PRKN: variants seen among roughly 807,000 people sequenced by gnomAD.
PRKN encodes E3 ubiquitin-protein ligase parkin.
PRKN carries 56 observed loss-of-function variants against 59.5 expected under a neutral mutation model. The ratio of observed to expected loss-of-function variants is 0.94; its 90% CI spans 0.76 to 1.18. The LOEUF is 1.18. PRKN is among the 50% of genes most tolerant of loss of function. The pLI, the probability that PRKN is intolerant of heterozygous loss-of-function variation, is 0.00. For missense variants in PRKN, 657 were observed against 596.4 expected (o/e 1.10, Z -1.06); for synonymous variants, 250 against 222.1 (o/e 1.13, Z -1.12).
At chr6:162,132,494 C>T (rs947418228) in intron 4 of PRKN, among the ~76,000 whole-genome samples, 1 of 152,146 alleles carries the variant, frequency 6.6e-6, no homozygotes, top group Non-Finnish European at 1.5e-5. Context: ...ATATTTCAAT[C>T]TACACGATGG....
intron 6 of PRKN, among the ~76,000 whole-genome samples, chr6:161,838,689 G>C (rs1792859826): frequency 6.6e-6 from 1 of 152,122 alleles, no homozygotes; most frequent in Admixed American, 6.5e-5. Flanking sequence ...AACTGTCCCC[G>C]TCCCACTGCA....
chr6:162,383,600 G>A (rs1047151491), intron 2 of PRKN, among the ~76,000 whole-genome samples: 5 of 152,166 alleles, frequency 3.3e-5, no homozygotes, highest in Non-Finnish European at 7.3e-5. Context: ...AGGGCCCTAG[G>A]ACTATCAGAA....
intron 1 of PRKN, among the ~76,000 whole-genome samples, chr6:162,714,796 T>C (rs1778662510): frequency 6.6e-6 from 1 of 152,028 alleles, no homozygotes; most frequent in Admixed American, 6.6e-5. Flanking sequence ...AAGCTAAAGG[T>C]GGAAAAGAGA....
chr6:161,743,072 T>C lies in PRKN; in HGVS notation c.871+42700A>G, dbSNP rs57223842. 4.0e-3 allele frequency among the ~76,000 whole-genome samples: 604 copies of C among 152,252 alleles called. 3 individuals carry two copies. The highest frequency in any genetic ancestry group is 0.014 in the African/African-American group (585 of 41,554). On this transcript the variant is annotated intron_variant, in intron 7 of 11. Transcript: ENST00000366898. ...ATAATAAAACTTGTTTTCCCTAAGT[T>C]TCAACTTATTGGCTGAAATGAATTT...
At position 161,842,396 on chromosome 6, in the gene PRKN, T is replaced by C. The variant is rs184419251; in HGVS notation, c.735-56488A>G. On this transcript the variant is annotated intron_variant, in intron 6 of 11. Coordinates refer to ENST00000366898, the MANE Select transcript of PRKN (RefSeq NM_004562.3). Reference sequence around the variant, plus strand: ...CTGAGGCAGGAGGATCACTTGAATCTGGGAGGCAAAGGTTGCAGTGAGTGG... The same window carrying C: ...CTGAGGCAGGAGGATCACTTGAATCCGGGAGGCAAAGGTTGCAGTGAGTGG... Among the ~76,000 whole-genome samples the C allele has an allele frequency of 1.0e-3, 157 of 150,376 alleles. 2 individuals are homozygous for C. Among genetic ancestry groups the C allele is most frequent in the African/African-American group, 3.6e-3 (148 of 40,938 alleles).
intron 2 of PRKN, among the ~76,000 whole-genome samples, chr6:162,359,183 T>G (rs1392571200): frequency 2.6e-5 from 4 of 151,368 alleles, no homozygotes; most frequent in African/African-American, 9.7e-5. Flanking sequence ...TAGGAACAGA[T>G]GTACTTGGAA....
chr6:162,505,912 G>C (rs1208702166), intron 1 of PRKN, among the ~76,000 whole-genome samples: 1 of 152,150 alleles, frequency 6.6e-6, no homozygotes, highest in African/African-American at 2.4e-5. Context: ...CAGTGTTTCT[G>C]TAGGATAACC....
chr6:161,992,825 A>G (rs1293762829), intron 5 of PRKN, among the ~76,000 whole-genome samples: 1 of 152,204 alleles, frequency 6.6e-6, no homozygotes, highest in East Asian at 1.9e-4. Context: ...GTACAAATAC[A>G]CGGAAATTTA....
intron 9 of PRKN, among the ~76,000 whole-genome samples, chr6:161,443,654 AG>A (rs1200079289): frequency 6.6e-6 from 1 of 152,178 alleles, no homozygotes; most frequent in Admixed American, 6.5e-5. Flanking sequence ...AAGAACAATC[AG>A]TTTTTTTAAA....
At chr6:161,500,864 GTT>G (rs373088841) in intron 9 of PRKN, among the ~76,000 whole-genome samples, 2 of 132,542 alleles carry the variant, frequency 1.5e-5, no homozygotes, top group African/African-American at 5.8e-5. Flanking sequence ...GTTTAGTTTA[GTT>G]TTTTTTTTTC....
chr6:161,940,039 G>C (rs562749628), intron 6 of PRKN, among the ~76,000 whole-genome samples: 44 of 151,984 alleles, frequency 2.9e-4, no homozygotes, highest in Non-Finnish European at 4.4e-4. Context: ...CTGAGATTAA[G>C]TCATGTGCCA....
intron 1 of PRKN, among the ~76,000 whole-genome samples, chr6:162,556,358 T>TGTGTGTGTGTGTGTGCGC (rs1562381856): frequency 1.4e-5 from 1 of 72,440 alleles, no homozygotes; most frequent in Non-Finnish European, 3.2e-5. Flanking sequence ...TGTGTGTGTG[T>TGTGTGTGTGTGTGTGCGC]GTGTGTGTGT....
chr6:162,148,441 A>T (rs570655408), intron 4 of PRKN, among the ~76,000 whole-genome samples: 18 of 152,218 alleles, frequency 1.2e-4, no homozygotes, highest in Non-Finnish European at 2.5e-4. Flanking sequence ...TAAACTATCA[A>T]GATTAAGTCA....
At chr6:162,389,020 A>AAAAC (rs1562724516) in intron 2 of PRKN, among the ~76,000 whole-genome samples, 1 of 151,446 alleles carries the variant, frequency 6.6e-6, no homozygotes, top group African/African-American at 2.4e-5. Flanking sequence ...AAAAAAAAAA[A>AAAAC]AAAACAAAAA....
At chr6:162,187,470 T>C (rs1297401342) in intron 4 of PRKN, among the ~76,000 whole-genome samples, 8 of 152,044 alleles carry the variant, frequency 5.3e-5, no homozygotes, top group Non-Finnish European at 8.8e-5. Context: ...GAGAGCAAAA[T>C]GGCAGTGCAG....
At chr6:162,217,263 C>G (rs1777718549) in intron 3 of PRKN, among the ~76,000 whole-genome samples, 1 of 152,186 alleles carries the variant, frequency 6.6e-6, no homozygotes, top group Non-Finnish European at 1.5e-5. Flanking sequence ...TTTCTACAGC[C>G]TCTGTGTGGG....
intron 1 of PRKN, among the ~76,000 whole-genome samples, chr6:162,641,689 G>A (rs1183999531): frequency 2.0e-5 from 3 of 152,202 alleles, no homozygotes; most frequent in African/African-American, 7.2e-5. Context: ...GGTAAAGAAT[G>A]ATCTTTTGTC....
At chr6:162,276,793 CAATT>C in intron 2 of PRKN, among the ~76,000 whole-genome samples, 1 of 151,990 alleles carries the variant, frequency 6.6e-6, no homozygotes, top group East Asian at 1.9e-4. Context: ...ATTTCCCCTA[CAATT>C]AATTCTACAG....
At chr6:162,568,480 G>T in intron 1 of PRKN, 3 of 655,724 alleles carry the variant, frequency 4.6e-6, no homozygotes, top group Non-Finnish European at 8.4e-6. Flanking sequence ...GGGGCCGGCG[G>T]CATGGGAGGC....
Sources: gnomAD v4.1 joint callset for allele counts (sites outside exome capture counted in the v4.1 genomes callset) on GRCh38, gnomAD v4.1.1 for gene constraint, MANE v1.5 for transcripts, NCBI Gene and HGNC (gene_info 2026-07-23, HGNC 2026-07-21) for gene names.